The following FAM171B variants were observed in gnomAD, a reference collection of about 807,000 sequenced individuals.
FAM171B encodes the protein protein FAM171B.
A neutral mutation model predicts 75.6 loss-of-function variants in FAM171B; 19 were observed. The ratio of observed to expected loss-of-function variants is 0.25; its 90% CI spans 0.18 to 0.37. The LOEUF (loss-of-function observed/expected upper bound fraction) is 0.37, where lower values mean the gene tolerates loss of function less well. FAM171B is among the 10% of genes least tolerant of loss of function. FAM171B has a pLI of 1.00. For missense variants in FAM171B, 848 were observed against 982.4 expected (o/e 0.86, Z 1.83); for synonymous variants, 367 against 361.7 (o/e 1.01, Z -0.17).
At chr2:186,706,121 A>G (rs1689729995) in intron 1 of FAM171B, among the ~76,000 whole-genome samples, 1 of 152,116 alleles carries the variant, frequency 6.6e-6, no homozygotes, top group Admixed American at 6.5e-5. Flanking sequence ...CTGATTATAA[A>G]CCTCAATCAG....
At chr2:186,721,198 CTCTGGACTCCATCCA>C (rs1399840650) in intron 1 of FAM171B, among the ~76,000 whole-genome samples, 1 of 152,142 alleles carries the variant, frequency 6.6e-6, no homozygotes, top group Non-Finnish European at 1.5e-5. Flanking sequence ...AAATATGCTT[CTCTGGACTCCATCCA>C]TCTGCAGTGA....
intron 2 of FAM171B, 108 bp from the exon 3 acceptor site, chr2:186,743,375 T>TC (rs200281950): frequency 0.069 from 44,628 of 643,498 alleles, 1,892 homozygotes; most frequent in Non-Finnish European, 0.083. Context: ...AAGCATTTGT[T>TC]CCCCCCCACA....
intron 3 of FAM171B, among the ~76,000 whole-genome samples, chr2:186,743,958 A>C (rs991045287): frequency 6.6e-6 from 1 of 152,102 alleles, no homozygotes; most frequent in Non-Finnish European, 1.5e-5. Flanking sequence ...CCAGCATTAA[A>C]TTTGTCGCTT....
intron 1 of FAM171B, among the ~76,000 whole-genome samples, chr2:186,732,481 A>G (rs181964540): frequency 6.6e-6 from 1 of 152,310 alleles, no homozygotes; most frequent in East Asian, 1.9e-4. Flanking sequence ...AATTCAACTG[A>G]CGGGTGTAAG....
In FAM171B at chr2:186,705,096, A is replaced by G. The variant is rs991602966; in HGVS notation, c.238+10685A>G. On this transcript the variant is annotated intron_variant, in intron 1 of 7. Coordinates refer to ENST00000304698, the MANE Select transcript of FAM171B (RefSeq NM_177454.4). ...GCAGCTTGATTAAACCATCAGTGTT[A>G]CAGCTCCTATGGTGTTATAACTTCG... is the stretch of plus-strand genomic sequence containing the variant. Among the ~76,000 whole-genome samples the G allele has an allele frequency of 3.3e-5, 5 of 152,398 alleles. No individual in the cohort carries two copies. In the East Asian group the frequency reaches 7.7e-4, roughly 23 times the overall value.
At chr2:186,719,367 A>G (rs943748560) in intron 1 of FAM171B, among the ~76,000 whole-genome samples, 8 of 152,240 alleles carry the variant, frequency 5.3e-5, no homozygotes, top group African/African-American at 1.9e-4. Flanking sequence ...AAAAGGGAAA[A>G]ATGGATATTT....
intron 1 of FAM171B, among the ~76,000 whole-genome samples, chr2:186,739,625 C>A (rs909396868): frequency 6.6e-6 from 1 of 152,158 alleles, no homozygotes; most frequent in African/African-American, 2.4e-5. Flanking sequence ...TCTTCAGGGG[C>A]AGCAGCATGC....
chr2:186,754,609 A>G (rs1332133261), intron 6 of FAM171B, among the ~76,000 whole-genome samples: 8 of 152,014 alleles, frequency 5.3e-5, no homozygotes, highest in African/African-American at 1.2e-4. Context: ...TGATCATCCT[A>G]TTGGCCCACT....
chr2:186,739,476 T>A (rs547734902), intron 1 of FAM171B, among the ~76,000 whole-genome samples: 2 of 152,270 alleles, frequency 1.3e-5, no homozygotes, highest in East Asian at 3.9e-4. Context: ...TTTTCTATTT[T>A]AAAAATTTTT....
chr2:186,705,957 C>T (rs923612650), intron 1 of FAM171B, among the ~76,000 whole-genome samples: 1 of 152,242 alleles, frequency 6.6e-6, no homozygotes, highest in Non-Finnish European at 1.5e-5. Flanking sequence ...ATACCTTATA[C>T]CTGAAAAAAC....
At chr2:186,706,054 T>C (rs1201391395) in intron 1 of FAM171B, among the ~76,000 whole-genome samples, 2 of 152,202 alleles carry the variant, frequency 1.3e-5, no homozygotes, top group African/African-American at 2.4e-5. Context: ...GTCACTGAGA[T>C]TGAGTTAATC....
chr2:186,761,998 ACAATTACATACTG>A lies in FAM171B; in HGVS notation c.1658_1670del (p.Gln553LeufsTer12). The A allele has an allele frequency of 6.2e-7, 1 of 1,613,632 alleles. No individual in the cohort carries two copies. Among genetic ancestry groups the A allele is most frequent in the Non-Finnish European group, 8.5e-7 (1 of 1,179,790 alleles). ...CATCTGACCTTTTCTCCACACCGGA[ACAATTACATACTG>A]CTAAGTCAGCTACTTTGCCAAGAAA... On this transcript the variant is annotated frameshift_variant, in exon 8 of 8. Transcript: ENST00000304698. LOFTEE classifies it high-confidence loss of function.
rs866929229 is a variant in FAM171B at position 186,737,418 on chromosome 2, G to C, written c.239-2810G>C. Among the ~76,000 whole-genome samples, 41 of 152,260 alleles carry C rather than the reference G, an allele frequency of 2.7e-4. 1 individual carries two copies. Among genetic ancestry groups the C allele is most frequent in the Middle Eastern group, 3.4e-3 (1 of 294 alleles). ...GTTGCCCAGGCTGGAGTGCAGTGGT[G>C]TGATCATGGCTCACTGCAGCCTTGA... is the stretch of plus-strand genomic sequence containing the variant. On this transcript the variant is annotated intron_variant, in intron 1 of 7. Transcript: ENST00000304698.
Position 186,718,402 on chromosome 2 carries a change from C to T in FAM171B, c.239-21826C>T, listed in dbSNP as rs576914640. 9.9e-5 allele frequency among the ~76,000 whole-genome samples: 15 copies of T among 152,254 alleles called. No individual in the cohort carries two copies. The South Asian group carries it at 1.9e-3, about 19-fold the overall frequency. ...TCTAAAACTTTTGTGCTTTTTCTCACGCTATTCCTTCTTTCTGATGTACCC... is the reference window on the plus strand; with the variant it reads ...TCTAAAACTTTTGTGCTTTTTCTCATGCTATTCCTTCTTTCTGATGTACCC... On this transcript the variant is annotated intron_variant, in intron 1 of 7. Transcript: ENST00000304698.
chr2:186,721,162 C>T (rs986428754), intron 1 of FAM171B, among the ~76,000 whole-genome samples: 12 of 152,116 alleles, frequency 7.9e-5, no homozygotes, highest in African/African-American at 2.7e-4. Context: ...CTTGGCTGTG[C>T]ACTAGAATCA....
chr2:186,754,382 T>C (rs1690499185), intron 6 of FAM171B, among the ~76,000 whole-genome samples: 1 of 152,174 alleles, frequency 6.6e-6, no homozygotes, highest in South Asian at 2.1e-4. Context: ...TTGACTAATT[T>C]AAAAATATGC....
intron 1 of FAM171B, among the ~76,000 whole-genome samples, chr2:186,699,292 A>G (rs1228246348): frequency 6.6e-6 from 1 of 151,880 alleles, no homozygotes; most frequent in Non-Finnish European, 1.5e-5. Flanking sequence ...AGCATTTCTT[A>G]TTGCCTGTCT....
rs377737238 is a variant in FAM171B, at chr2:186,753,978, A to G, written c.941A>G (p.Asn314Ser). The G allele has an allele frequency of 6.2e-7, 1 of 1,613,630 alleles. No homozygotes were observed. Among genetic ancestry groups the G allele is most frequent in the South Asian group, 1.1e-5 (1 of 91,044 alleles). ...HGRGMVKEHN[N>S]HLIWTYDAPH... The stretch of plus-strand genomic sequence containing the variant: ...CGGGGAATGGTCAAGGAACATAACA[A>G]TCATTTAATCTGGACATATGATGCA... The change falls in exon 6 of 8, where the codon AAT (asparagine) becomes AGT (serine). Residue 314 changes from asparagine to serine, a missense_variant. Around this residue, in one of 3 missense-constraint regions of FAM171B, gnomAD observed 665 missense variants for 729.0 expected, o/e 0.91. Coordinates refer to ENST00000304698, the MANE Select transcript of FAM171B (RefSeq NM_177454.4).
At chr2:186,710,944 CAG>C (rs2105774678) in intron 1 of FAM171B, among the ~76,000 whole-genome samples, 1 of 152,086 alleles carries the variant, frequency 6.6e-6, no homozygotes. Context: ...CTTATATACA[CAG>C]GGAGTTTTCA....
Sources: allele counts gnomAD v4.1 joint callset (sites outside exome capture counted in the v4.1 genomes callset), GRCh38; gene constraint gnomAD v4.1.1; regional missense constraint gnomAD v4.1.1; transcripts MANE v1.5; gene names NCBI Gene and HGNC (gene_info 2026-07-23, HGNC 2026-07-21).